PDLIM1: variants seen among roughly 807,000 people sequenced by gnomAD.
PDLIM1 encodes PDZ and LIM domain 1.
PDLIM1 carries 25 observed loss-of-function variants against 35.2 expected under a neutral mutation model. The ratio of observed to expected loss-of-function variants is 0.71; its 90% CI spans 0.52 to 0.99. The LOEUF is 0.99. Among genes scored for constraint, PDLIM1 ranks in the 50% least tolerant of loss-of-function variants. The probability of loss-of-function intolerance (pLI) is 0.00; values close to 1 mark genes in which losing one functional copy is unlikely to be tolerated. For missense variants in PDLIM1, 363 were observed against 415.3 expected (o/e 0.87, Z 1.09); for synonymous variants, 152 against 154.0 (o/e 0.99, Z 0.10).
intron 1 of PDLIM1, among the ~76,000 whole-genome samples, chr10:95,287,578 T>C (rs1011477908): frequency 3.3e-5 from 5 of 152,174 alleles, no homozygotes; most frequent in African/African-American, 1.2e-4. Flanking sequence ...ACAGTCAACA[T>C]AAACTGAGTT....
At chr10:95,284,700 GTTC>G (rs1438664770) in intron 1 of PDLIM1, among the ~76,000 whole-genome samples, 1 of 152,128 alleles carries the variant, frequency 6.6e-6, no homozygotes, top group Non-Finnish European at 1.5e-5. Context: ...TCCTATCTAT[GTTC>G]TTATTGTCTT....
chr10:95,238,974 A>C, intron 5 of PDLIM1: 1 of 289,422 alleles, frequency 3.5e-6, no homozygotes, highest in Non-Finnish European at 6.7e-6. Context: ...ACTATATTAC[A>C]AGGCTACAGT....
chr10:95,281,647 A>G (rs1017033770), intron 1 of PDLIM1, among the ~76,000 whole-genome samples: 75 of 152,214 alleles, frequency 4.9e-4, no homozygotes, highest in African/African-American at 1.6e-3. Flanking sequence ...GAAGCATTGC[A>G]TAAGTAATTT....
intron 1 of PDLIM1, among the ~76,000 whole-genome samples, chr10:95,272,420 G>A (rs190343143): frequency 6.6e-6 from 1 of 152,320 alleles, no homozygotes; most frequent in Admixed American, 6.5e-5. Context: ...GCTCATGCCT[G>A]TAATCCCAGC....
chr10:95,239,290 C>T (rs1277731842), intron 5 of PDLIM1, among the ~76,000 whole-genome samples: 2 of 152,050 alleles, frequency 1.3e-5, no homozygotes, highest in African/African-American at 4.8e-5. Context: ...TGGGCATGGG[C>T]AAAGATTTCA....
rs902059987 is a variant in PDLIM1, at chr10:95,237,965, G to A, written c.950C>T (p.Pro317Leu). Residue 317 changes from proline to leucine, a missense_variant, in exon 7 of 7, where the codon CCA becomes CTA. Physicochemically the swap from Pro to Leu is moderately conservative, Grantham distance 98 (BLOSUM62 -3). Transcript: ENST00000329399. ...CEKHARERVT[P>L]PEGYEVVTVF... is the part of the protein sequence containing the mutation. ...AGTGACCACTTCATAACCCTCAGGT[G>A]GTGTGACTCGCTCCCGGGCATGCTT... The A allele has an allele frequency of 6.8e-6, 11 of 1,614,046 alleles. No homozygotes were observed. Among genetic ancestry groups the A allele is most frequent in the African/African-American group, 1.3e-5 (1 of 74,906 alleles).
chr10:95,255,198 T>C (rs2035299932), intron 4 of PDLIM1, among the ~76,000 whole-genome samples: 4 of 151,836 alleles, frequency 2.6e-5, no homozygotes, highest in Admixed American at 2.6e-4. Flanking sequence ...ACTGGTGAAT[T>C]CTATCAAACA....
At chr10:95,243,444 G>C (rs1200421953) in intron 5 of PDLIM1, among the ~76,000 whole-genome samples, 2 of 152,112 alleles carry the variant, frequency 1.3e-5, no homozygotes, top group African/African-American at 4.8e-5. Flanking sequence ...CTGTTTTTCT[G>C]TCCACTTCAC....
At chr10:95,274,293 C>CT (rs11429361) in intron 1 of PDLIM1, among the ~76,000 whole-genome samples, 22,783 of 130,530 alleles carry the variant, frequency 0.17, 2,407 homozygotes, top group Middle Eastern at 0.4. Flanking sequence ...CACAGTCATC[C>CT]TTTTTTTTTT....
intron 1 of PDLIM1, among the ~76,000 whole-genome samples, chr10:95,278,132 A>G (rs2035529171): frequency 6.6e-6 from 1 of 152,228 alleles, no homozygotes; most frequent in African/African-American, 2.4e-5. Flanking sequence ...TACATTCTGA[A>G]AGACAGTGTA....
At chr10:95,257,502 G>A (rs2035327274) in intron 4 of PDLIM1, among the ~76,000 whole-genome samples, 2 of 151,620 alleles carry the variant, frequency 1.3e-5, no homozygotes, top group South Asian at 2.1e-4. Flanking sequence ...AATGATCAAA[G>A]GATTTGAATA....
chr10:95,272,697 A>T (rs1021341165), intron 1 of PDLIM1, among the ~76,000 whole-genome samples: 70 of 128,230 alleles, frequency 5.5e-4, no homozygotes, highest in African/African-American at 1.6e-3. Context: ...TAAAAATTTA[A>T]AAAAAAATTG....
At chr10:95,239,684 T>C (rs2035159781) in intron 5 of PDLIM1, among the ~76,000 whole-genome samples, 1 of 152,116 alleles carries the variant, frequency 6.6e-6, no homozygotes, top group South Asian at 2.1e-4. Flanking sequence ...TAGTTCCAGC[T>C]ACTCAGGAGG....
At chr10:95,268,685 C>A in intron 3 of PDLIM1, 93 bp downstream of exon 3, 1 of 834,840 alleles carries the variant, frequency 1.2e-6, no homozygotes, top group Non-Finnish European at 2.1e-6. Flanking sequence ...CCCCAGGCCT[C>A]CAGGGCAGGA....
intron 1 of PDLIM1, among the ~76,000 whole-genome samples, chr10:95,281,180 C>T (rs1182151414): frequency 6.6e-6 from 1 of 152,132 alleles, no homozygotes; most frequent in Non-Finnish European, 1.5e-5. Context: ...TCCAGAAACA[C>T]CTTCAAGGGC....
chr10:95,261,564 C>A (rs1242396296), intron 4 of PDLIM1, among the ~76,000 whole-genome samples: 1 of 152,192 alleles, frequency 6.6e-6, no homozygotes, highest in Admixed American at 6.5e-5. Context: ...CCAGTAAGCC[C>A]TTGCAAGAAC....
At chr10:95,263,675 A>T (rs1469368253) in intron 4 of PDLIM1, among the ~76,000 whole-genome samples, 189 bp downstream of exon 4, 1 of 152,246 alleles carries the variant, frequency 6.6e-6, no homozygotes. Context: ...TTACTTTTAC[A>T]GACACCCTAT....
rs3210020 is a variant in PDLIM1 at position 95,237,683 on chromosome 10, C to T, written c.*242G>A. ...AATGCAGCAGAGAAGAACGGTGGGGCGAAGGGACACAGTGTTGCTGACAAG... is the reference window on the plus strand; with the variant it reads ...AATGCAGCAGAGAAGAACGGTGGGGTGAAGGGACACAGTGTTGCTGACAAG... On this transcript the variant is annotated 3_prime_UTR_variant, in exon 7 of 7. Coordinates refer to ENST00000329399, the MANE Select transcript of PDLIM1 (RefSeq NM_020992.4). 28,905 of 488,670 alleles carry T rather than the reference C, an allele frequency of 0.059. 1,190 individuals carry two copies. Among genetic ancestry groups the T allele is most frequent in the South Asian group, 0.15 (4,781 of 31,264 alleles). 30.3% of individuals were successfully genotyped at this position (488,670 alleles called of 1,614,324 possible). A position where few individuals can be genotyped will look rare whatever the true frequency, so the allele number is the denominator to read the frequency against.
At chr10:95,247,046 C>CCT (rs71486754) in intron 5 of PDLIM1, among the ~76,000 whole-genome samples, 169 bp downstream of exon 5, 12,528 of 149,380 alleles carry the variant, frequency 0.084, 666 homozygotes, top group Middle Eastern at 0.17. Flanking sequence ...GCACTCTCTT[C>CCT]CTCTCTCTCT....
Sources: allele counts gnomAD v4.1 joint callset (sites outside exome capture counted in the v4.1 genomes callset), GRCh38; gene constraint gnomAD v4.1.1; transcripts MANE v1.5; gene names NCBI Gene and HGNC (gene_info 2026-07-23, HGNC 2026-07-21).